Variants in GLIS3 observed in about 807,000 individuals in gnomAD.
The protein encoded by GLIS3 is GLIS family zinc finger 3, also known as zinc finger protein GLIS3.
Under a neutral mutation model 78.6 loss-of-function variants are expected in GLIS3, and 53 were observed. The observed-to-expected ratio is 0.67, with a 90% CI of 0.54 to 0.85. The LOEUF (loss-of-function observed/expected upper bound fraction) is 0.85. GLIS3 is among the 40% of genes least tolerant of loss of function. The probability of loss-of-function intolerance (pLI) is 0.00; values close to 1 mark genes in which losing one functional copy is unlikely to be tolerated. For synonymous variants in GLIS3, 684 were observed against 509.9 expected, an observed-to-expected ratio of 1.34 and a Z score of -4.60; for missense variants, 1,703 against 1,231.1, an observed-to-expected ratio of 1.38 and a Z score of -5.74.
chr9:4,402,846 G>C, the GLIS3 span, among the ~76,000 whole-genome samples: 2 of 152,244 alleles, frequency 1.3e-5, no homozygotes, highest in Middle Eastern at 6.8e-3. Flanking sequence ...ACAAATATGA[G>C]AGTTATTGGC....
intron 8 of GLIS3, among the ~76,000 whole-genome samples, chr9:3,863,893 A>G (rs746148142): frequency 2.6e-5 from 4 of 152,198 alleles, no homozygotes; most frequent in Non-Finnish European, 5.9e-5. Flanking sequence ...CCCCTGTGGA[A>G]AGAAAAAGGG....
chr9:4,352,521 G>A (rs554704026), upstream of GLIS3, among the ~76,000 whole-genome samples: 2 of 152,392 alleles, frequency 1.3e-5, no homozygotes, highest in South Asian at 4.1e-4. Context: ...AGAGAGCACA[G>A]AATGGAAACC....
intron 4 of GLIS3, among the ~76,000 whole-genome samples, chr9:4,005,634 G>T (rs942451658): frequency 2.0e-5 from 3 of 152,170 alleles, no homozygotes; most frequent in Admixed American, 1.3e-4. Flanking sequence ...TACGTGTAAA[G>T]GACTTGGGCC....
the GLIS3 span, among the ~76,000 whole-genome samples, chr9:4,397,758 G>C: frequency 1.3e-5 from 2 of 148,864 alleles, no homozygotes; most frequent in East Asian, 2.0e-4. Flanking sequence ...GAGGAAAGGA[G>C]AGGAGAGGAA....
chr9:3,956,732 T>C lies in GLIS3; in HGVS notation c.1711-19543A>G, dbSNP rs574040111. Among the ~76,000 whole-genome samples, 16 of 152,350 alleles carry C rather than the reference T, an allele frequency of 1.1e-4. No individual in the cohort carries two copies. In the East Asian group the frequency reaches 3.1e-3, roughly 29 times the overall value. On this transcript the variant is annotated intron_variant, in intron 4 of 10. Transcript: ENST00000381971. Reference sequence around the variant, plus strand: ...AAGTAACTCCTTCCATGTGCCAACTTTGAATAATCCTCAAACAGTAATTTC... The same window carrying C: ...AAGTAACTCCTTCCATGTGCCAACTCTGAATAATCCTCAAACAGTAATTTC...
chr9:4,392,568 T>G, the GLIS3 span, among the ~76,000 whole-genome samples: 4 of 152,252 alleles, frequency 2.6e-5, no homozygotes, highest in Non-Finnish European at 4.4e-5. Context: ...AACCTTAGAT[T>G]CTAACAGGTG....
At chr9:4,194,022 C>T (rs1343808701) in intron 2 of GLIS3, among the ~76,000 whole-genome samples, 1 of 152,334 alleles carries the variant, frequency 6.6e-6, no homozygotes, top group South Asian at 2.1e-4. Flanking sequence ...ATGTTTATTA[C>T]ATTTTGGCCT....
the GLIS3 span, among the ~76,000 whole-genome samples, chr9:4,400,100 C>T: frequency 2.0e-5 from 3 of 152,148 alleles, no homozygotes; most frequent in African/African-American, 7.2e-5. Context: ...TCCCAAGGAC[C>T]AGGAGTATCA....
At chr9:4,166,721 G>A (rs1209903335) in intron 2 of GLIS3, among the ~76,000 whole-genome samples, 4 of 152,204 alleles carry the variant, frequency 2.6e-5, no homozygotes, top group African/African-American at 9.6e-5. Context: ...ACACATAAAA[G>A]CAGTTACTCT....
chr9:4,345,617 C>T (rs923653567), intron 2 of GLIS3, among the ~76,000 whole-genome samples: 9 of 152,292 alleles, frequency 5.9e-5, no homozygotes, highest in South Asian at 4.1e-4. Context: ...CTCTTTCCCC[C>T]ATCCTTAAAA....
chr9:3,971,302 G>C lies in GLIS3; in HGVS notation c.1711-34113C>G, dbSNP rs966040050. The stretch of plus-strand genomic sequence containing the variant: ...CTATGTCACATCAGAAGGAGCTTGA[G>C]GCTGAATTCTATTTTATGCTTTAAT... On this transcript the variant is annotated intron_variant, in intron 4 of 10. Transcript: ENST00000381971. Among the ~76,000 whole-genome samples the C allele has an allele frequency of 2.0e-5, 3 of 152,156 alleles. 1 individual carries two copies. Among genetic ancestry groups the C allele is most frequent in the Non-Finnish European group, 4.4e-5 (3 of 68,024 alleles).
At chr9:4,245,734 G>A (rs912434482) in intron 2 of GLIS3, among the ~76,000 whole-genome samples, 1 of 151,850 alleles carries the variant, frequency 6.6e-6, no homozygotes, top group Non-Finnish European at 1.5e-5. Context: ...ATTATATACA[G>A]GTATATAAAT....
At chr9:4,012,971 C>A (rs1218408612) in intron 4 of GLIS3, among the ~76,000 whole-genome samples, 4 of 151,894 alleles carry the variant, frequency 2.6e-5, no homozygotes, top group Non-Finnish European at 5.9e-5. Context: ...CGGGGTTTTG[C>A]CATGTTGGCC....
chr9:3,849,778 A>G (rs1406542396), intron 9 of GLIS3, among the ~76,000 whole-genome samples: 2 of 152,106 alleles, frequency 1.3e-5, no homozygotes, highest in Non-Finnish European at 2.9e-5. Flanking sequence ...GCATGGTGGT[A>G]TGTGTCTATA....
chr9:4,342,483 G>A (rs920842151), intron 2 of GLIS3, among the ~76,000 whole-genome samples: 1 of 152,208 alleles, frequency 6.6e-6, no homozygotes, highest in African/African-American at 2.4e-5. Context: ...CATGCTATTT[G>A]GGTTACTGCG....
chr9:4,421,512 G>A, the GLIS3 span, among the ~76,000 whole-genome samples: 6 of 152,316 alleles, frequency 3.9e-5, no homozygotes, highest in African/African-American at 7.2e-5. Flanking sequence ...GTTTAGCGGC[G>A]TTTCATCATT....
chr9:4,170,014 G>C (rs4740754), intron 2 of GLIS3, among the ~76,000 whole-genome samples: 59,107 of 151,668 alleles, frequency 0.39, 13,410 homozygotes, highest in East Asian at 0.66. Context: ...AACCTGGCCG[G>C]CCCAAACCGT....
intron 1 of GLIS3, 115 bp from the exon 2 acceptor site, chr9:4,286,638 T>C: frequency 1.6e-6 from 1 of 616,092 alleles, no homozygotes; most frequent in South Asian, 1.9e-5. Context: ...CTTAGCAAGA[T>C]GGCCTTTTAT....
chr9:3,911,157 T>C (rs149519861), intron 6 of GLIS3, among the ~76,000 whole-genome samples: 1 of 152,206 alleles, frequency 6.6e-6, no homozygotes, highest in Admixed American at 6.5e-5. Context: ...TTCCGCACTA[T>C]TTCTTGATTC....
Sources: gnomAD v4.1 joint callset for allele counts (sites outside exome capture counted in the v4.1 genomes callset) on GRCh38, gnomAD v4.1.1 for gene constraint, MANE v1.5 for transcripts, NCBI Gene and HGNC (gene_info 2026-07-23, HGNC 2026-07-21) for gene names.